Variants in SKIC3 observed in about 807,000 individuals in gnomAD.
SKIC3 encodes the protein SKI3 subunit of superkiller complex, also known as superkiller complex protein 3.
At chr5:95,495,841 T>C in the SKIC3 span, among the ~76,000 whole-genome samples, 1 of 152,082 alleles carries the variant, frequency 6.6e-6, no homozygotes, top group African/African-American at 2.4e-5. Context: ...CAGTTGCACA[T>C]TAAAGTTTGA....
chr5:95,503,028 CAA>C, the SKIC3 span: 82 of 1,613,148 alleles, frequency 5.1e-5, 1 homozygote, highest in East Asian at 4.0e-4. Flanking sequence ...TGAAAACAAA[CAA>C]AACAATATAA....
the SKIC3 span, chr5:95,524,732 G>A: frequency 8.8e-7 from 1 of 1,139,228 alleles, no homozygotes. Flanking sequence ...ATCACTTTAG[G>A]ATTTATATTA....
the SKIC3 span, chr5:95,525,437 A>G: frequency 6.2e-7 from 1 of 1,613,930 alleles, no homozygotes; most frequent in Non-Finnish European, 8.5e-7. Context: ...GGTGAAATGA[A>G]TCAAAGCCTC....
chr5:95,502,793 A>C, the SKIC3 span: 1 of 1,577,112 alleles, frequency 6.3e-7, no homozygotes, highest in Non-Finnish European at 8.6e-7. Context: ...AAGTTCCTAA[A>C]ACATGAAGAA....
chr5:95,528,147 T>C, the SKIC3 span: 1 of 1,613,634 alleles, frequency 6.2e-7, no homozygotes, highest in South Asian at 1.1e-5. Context: ...TCTACGATCT[T>C]CAGAGCTGAC....
chr5:95,528,583 A>G, the SKIC3 span, among the ~76,000 whole-genome samples: 1 of 152,206 alleles, frequency 6.6e-6, no homozygotes, highest in Admixed American at 6.5e-5. Flanking sequence ...GGTCAGAAAC[A>G]GTGAACCACT....
At chr5:95,472,696 T>C in the SKIC3 span, among the ~76,000 whole-genome samples, 48 of 152,174 alleles carry the variant, frequency 3.2e-4, no homozygotes, top group South Asian at 4.4e-3. Context: ...GTTTGCTCCA[T>C]GGGTATATTG....
At chr5:95,546,339 G>GAAAAAAAA in the SKIC3 span, among the ~76,000 whole-genome samples, 1 of 57,522 alleles carries the variant, frequency 1.7e-5, no homozygotes, top group Admixed American at 1.9e-4. Flanking sequence ...CCCACCATGA[G>GAAAAAAAA]AAAAAAAAAA....
the SKIC3 span, chr5:95,502,934 A>G: frequency 1.2e-6 from 2 of 1,613,936 alleles, no homozygotes; most frequent in Admixed American, 1.7e-5. Flanking sequence ...ATATTCAGTT[A>G]TTGCCAGAGC....
chr5:95,542,050 C>A, the SKIC3 span: 1 of 654,748 alleles, frequency 1.5e-6, no homozygotes, highest in South Asian at 2.1e-5. Flanking sequence ...AATGATCTGT[C>A]TGAGATTTGC....
At chr5:95,466,212 T>C in the SKIC3 span, among the ~76,000 whole-genome samples, 3 of 152,228 alleles carry the variant, frequency 2.0e-5, no homozygotes. Context: ...TGGATACATA[T>C]ATATTTATAT....
At chr5:95,530,176 A>G in the SKIC3 span, 1 of 1,613,716 alleles carries the variant, frequency 6.2e-7, no homozygotes, top group Non-Finnish European at 8.5e-7. Context: ...CCACTTTTTG[A>G]ATCCATTTCC....
At chr5:95,502,033 G>T in the SKIC3 span, among the ~76,000 whole-genome samples, 1 of 152,114 alleles carries the variant, frequency 6.6e-6, no homozygotes, top group East Asian at 1.9e-4. Flanking sequence ...TAGGACAAAG[G>T]CATTACATCA....
the SKIC3 span, chr5:95,469,780 C>T: frequency 6.2e-7 from 1 of 1,613,930 alleles, no homozygotes; most frequent in Non-Finnish European, 8.5e-7. Context: ...TTCTTCATAC[C>T]TTGCCCCCAT....
the SKIC3 span, among the ~76,000 whole-genome samples, chr5:95,487,759 G>A: frequency 1.8e-3 from 276 of 152,156 alleles, 1 homozygote; most frequent in African/African-American, 6.5e-3. Context: ...TCAATGTAAG[G>A]ACAAAGGAAA....
chr5:95,551,208 C>T, the SKIC3 span, among the ~76,000 whole-genome samples: 2 of 152,036 alleles, frequency 1.3e-5, no homozygotes, highest in African/African-American at 2.4e-5. Context: ...AGTAACACAA[C>T]TACACATCTA....
At chr5:95,495,050 T>C in the SKIC3 span, 4 of 1,607,018 alleles carry the variant, frequency 2.5e-6, no homozygotes, top group Non-Finnish European at 3.4e-6. Flanking sequence ...TTTATACAAA[T>C]GCAGAAACTT....
chr5:95,503,144 A>T, the SKIC3 span: 1 of 935,096 alleles, frequency 1.1e-6, no homozygotes, highest in South Asian at 1.6e-5. Flanking sequence ...AAGCAGATAG[A>T]ATAAAAATTT....
At chr5:95,512,203 G>C in the SKIC3 span, among the ~76,000 whole-genome samples, 5 of 152,150 alleles carry the variant, frequency 3.3e-5, no homozygotes, top group African/African-American at 1.2e-4. Context: ...CTAGTGTATA[G>C]TGTATAGTGG....
Sources: gnomAD v4.1 joint callset for allele counts (sites outside exome capture counted in the v4.1 genomes callset) on GRCh38, gnomAD v4.1.1 for gene constraint, MANE v1.5 for transcripts, NCBI Gene and HGNC (gene_info 2026-07-23, HGNC 2026-07-21) for gene names.